Variants in DYNC2H1 observed in about 807,000 individuals in gnomAD.
The protein encoded by DYNC2H1 is cytoplasmic dynein 2 heavy chain 1.
DYNC2H1 carries 410 observed loss-of-function variants against 570.0 expected under a neutral mutation model. The ratio of observed to expected loss-of-function variants is 0.72; its 90% CI spans 0.66 to 0.78. The LOEUF is 0.78. Among genes scored for constraint, DYNC2H1 ranks in the 30% least tolerant of loss-of-function variants. The pLI is 0.00. For synonymous variants in DYNC2H1, 1,688 were observed against 1,677.6 expected (o/e 1.01, Z -0.15); for missense variants, 4,865 against 5,046.4 (o/e 0.96, Z 1.09).
rs1013325223 is a variant in DYNC2H1 at position 103,151,788 on chromosome 11, A to C, written c.2947-348A>C. ...TAGCTCCTTTAGAAACCTCTTTAGC[A>C]TTTTCTTGTGAATGGACCATTTATA... On this transcript the variant is annotated intron_variant, in intron 20 of 88. Coordinates refer to ENST00000375735, the MANE Select transcript of DYNC2H1 (RefSeq NM_001377.3). This position sits in a 1 kb window ranked among gnomAD's most constrained non-coding sequence, Gnocchi z 4.6. 2.0e-5 allele frequency among the ~76,000 whole-genome samples: 3 copies of C among 152,074 alleles called. No homozygotes were observed. The highest frequency in any genetic ancestry group is 6.6e-5 in the Admixed American group (1 of 15,246).
Position 103,280,373 on chromosome 11 carries a change from A to C in DYNC2H1, c.10721A>C (p.His3574Pro). The change falls in exon 71 of 89, where the codon CAT becomes CCT. Residue 3574 changes from histidine (H) to proline (P), a missense_variant. Transcript: ENST00000375735. This position sits in a 1 kb window ranked among gnomAD's most constrained non-coding sequence, Gnocchi z 4.7. ...FKADQLMFAL[H>P]FVRGMHPELF... ...GCTGATCAGTTGATGTTCGCTTTGC[A>C]TTTTGTTCGAGGCATGCATCCTGAA... The C allele has an allele frequency of 6.4e-7, 1 of 1,555,928 alleles. No homozygotes were observed. The highest frequency in any genetic ancestry group is 1.4e-5 in the African/African-American group (1 of 73,616).
chr11:103,236,610 T>C, intron 63 of DYNC2H1, 71 bp downstream of exon 63: 1 of 834,220 alleles, frequency 1.2e-6, no homozygotes, highest in South Asian at 1.8e-5. Flanking sequence ...ATTGTGTTCT[T>C]CGTATTCTTA....
chr11:103,349,694 A>G (rs907017005), intron 82 of DYNC2H1, among the ~76,000 whole-genome samples: 1 of 152,128 alleles, frequency 6.6e-6, no homozygotes, highest in Non-Finnish European at 1.5e-5. Flanking sequence ...TTCATTCTCA[A>G]TTTGCTTATG....
intron 47 of DYNC2H1, among the ~76,000 whole-genome samples, chr11:103,196,635 C>A (rs1862517318): frequency 6.6e-6 from 1 of 151,954 alleles, no homozygotes; most frequent in African/African-American, 2.4e-5. Context: ...AATTAAAAGA[C>A]TAGAAGGCTG....
In DYNC2H1 at chr11:103,305,238, G is replaced by A. The variant is rs181470888; in HGVS notation, c.11382+518G>A. Reference sequence around the variant, plus strand: ...TGCTTATTTAAGAAAGATGAGTAGGGTCTTGGGTAGTTAAAGATGATTCTG... The same window carrying A: ...TGCTTATTTAAGAAAGATGAGTAGGATCTTGGGTAGTTAAAGATGATTCTG... On this transcript the variant is annotated intron_variant, in intron 77 of 88. Transcript: ENST00000375735. This position sits in a 1 kb window ranked among gnomAD's most constrained non-coding sequence, Gnocchi z 4.3. Among the ~76,000 whole-genome samples the A allele has an allele frequency of 1.5e-4, 23 of 152,270 alleles. No individual in the cohort carries two copies. The East Asian group carries it at 4.0e-3, about 27-fold the overall frequency.
chr11:103,470,986 G>A (rs1055766185), intron 88 of DYNC2H1, among the ~76,000 whole-genome samples: 13 of 151,982 alleles, frequency 8.6e-5, no homozygotes, highest in African/African-American at 2.7e-4. Context: ...CTGAGGAATC[G>A]CCACACTGAC....
At chr11:103,371,687 T>C (rs979060373) in intron 83 of DYNC2H1, among the ~76,000 whole-genome samples, 4 of 152,164 alleles carry the variant, frequency 2.6e-5, no homozygotes, top group Admixed American at 6.5e-5. Flanking sequence ...TACCCTAGAA[T>C]AGTATATGTA....
chr11:103,304,802 G>A, intron 77 of DYNC2H1, 82 bp downstream of exon 77: 1 of 1,306,400 alleles, frequency 7.7e-7, no homozygotes, highest in Non-Finnish European at 1.0e-6. Context: ...AAAATGTCAT[G>A]CATTATTTAT....
rs541677425 is a variant in DYNC2H1 at position 103,264,501 on chromosome 11, T to C, written c.10695+4524T>C. Among the ~76,000 whole-genome samples, 15 of 152,272 alleles carry C rather than the reference T, an allele frequency of 9.9e-5. No individual in the cohort carries two copies. The highest frequency in any genetic ancestry group is 6.8e-3 in the Middle Eastern group (2 of 294). ...ATCCAGCAGCACATCAAAAAGCTTATCCACCACAATCAAGTTGGCTTCATC... is the reference window on the plus strand; with the variant it reads ...ATCCAGCAGCACATCAAAAAGCTTACCCACCACAATCAAGTTGGCTTCATC... On this transcript the variant is annotated intron_variant, in intron 70 of 88. Transcript: ENST00000375735. This position sits in a 1 kb window ranked among gnomAD's most constrained non-coding sequence, Gnocchi z 4.8.
At chr11:103,426,273 T>C (rs1565589592) in intron 84 of DYNC2H1, among the ~76,000 whole-genome samples, 3 of 152,204 alleles carry the variant, frequency 2.0e-5, no homozygotes, top group Non-Finnish European at 4.4e-5. Flanking sequence ...GGTAAAACTC[T>C]GTTCGAGGCT....
intron 65 of DYNC2H1, among the ~76,000 whole-genome samples, chr11:103,251,344 T>C (rs1864823527): frequency 6.6e-6 from 1 of 152,166 alleles, no homozygotes; most frequent in African/African-American, 2.4e-5. Flanking sequence ...CTTTTTGGAC[T>C]AGTATTTACA....
In DYNC2H1 at chr11:103,234,180, C is replaced by T. The variant is rs752089552; in HGVS notation, c.9567+20C>T. 2.5e-5 allele frequency: 39 copies of T among 1,573,696 alleles called. No homozygotes were observed. The African/African-American group carries it at 5.3e-4, about 21-fold the overall frequency. Reference sequence around the variant, plus strand: ...GCACAGGTTTGTTTGAGAGAGGGGCCATGAGGAGTCTACCTTTAAACTGCA... The same window carrying T: ...GCACAGGTTTGTTTGAGAGAGGGGCTATGAGGAGTCTACCTTTAAACTGCA... On this transcript the variant is annotated intron_variant, in intron 61 of 88. Coordinates refer to ENST00000375735, the MANE Select transcript of DYNC2H1 (RefSeq NM_001377.3).
rs907430277 is a variant in DYNC2H1, at chr11:103,189,579, C to A, written c.7293-93C>A. 1 of 1,259,180 alleles carries A rather than the reference C, an allele frequency of 7.9e-7. No individual in the cohort carries two copies. Among genetic ancestry groups the A allele is most frequent in the Non-Finnish European group, 1.1e-6 (1 of 896,630 alleles). The allele number at this position is 1,259,180 out of a possible 1,614,324, so 78.0% of individuals were successfully genotyped here. A position where few individuals can be genotyped will look rare whatever the true frequency, so the allele number is the denominator to read the frequency against. On this transcript the variant is annotated intron_variant, in intron 44 of 88. Coordinates refer to ENST00000375735, the MANE Select transcript of DYNC2H1 (RefSeq NM_001377.3). The surrounding 1 kb of genome is among the most constrained non-coding windows in gnomAD (Gnocchi z 4.3). Reference sequence around the variant, plus strand: ...GAGATATGTAGGTCTTAGAGCAGCACAGTTTCAAAACCACTGTTGTAACTT... The same window carrying A: ...GAGATATGTAGGTCTTAGAGCAGCAAAGTTTCAAAACCACTGTTGTAACTT...
chr11:103,389,604 G>A (rs1441776131), intron 83 of DYNC2H1, among the ~76,000 whole-genome samples: 2 of 151,956 alleles, frequency 1.3e-5, no homozygotes, highest in African/African-American at 2.4e-5. Context: ...GTCAATTTTG[G>A]ATCTTTCCTG....
intron 84 of DYNC2H1, among the ~76,000 whole-genome samples, chr11:103,411,553 A>T (rs1487294349): frequency 6.6e-6 from 1 of 151,842 alleles, no homozygotes; most frequent in East Asian, 1.9e-4. Flanking sequence ...AAAAAAGGAT[A>T]ATTTAACTTT....
rs1860567939 is a variant in DYNC2H1, at chr11:103,151,953, A to C, written c.2947-183A>C. Among the ~76,000 whole-genome samples the C allele has an allele frequency of 6.6e-6, 1 of 152,108 alleles. No individual in the cohort carries two copies. ...GTATAGTAAAAAATAACCATCAGAA[A>C]GTTTATATCCAGGAATTTTTTTCTG... On this transcript the variant is annotated intron_variant, in intron 20 of 88. Coordinates refer to ENST00000375735, the MANE Select transcript of DYNC2H1 (RefSeq NM_001377.3). The surrounding 1 kb of genome is among the most constrained non-coding windows in gnomAD (Gnocchi z 4.6).
At chr11:103,356,893 T>C (rs549512432) in intron 82 of DYNC2H1, among the ~76,000 whole-genome samples, 6 of 152,132 alleles carry the variant, frequency 3.9e-5, no homozygotes, top group Non-Finnish European at 4.4e-5. Context: ...TAGTTCAATA[T>C]GTTACAAAAG....
intron 54 of DYNC2H1, among the ~76,000 whole-genome samples, chr11:103,213,912 G>A (rs1292146601): frequency 3.3e-5 from 5 of 152,098 alleles, no homozygotes; most frequent in Non-Finnish European, 5.9e-5. Context: ...CTAAACCAAT[G>A]TCCTGGAGCA....
At chr11:103,417,092 A>C (rs1358553426) in intron 84 of DYNC2H1, among the ~76,000 whole-genome samples, 1 of 152,102 alleles carries the variant, frequency 6.6e-6, no homozygotes, top group Admixed American at 6.6e-5. Context: ...ATCTCACACC[A>C]GTTAGAATGA....
Sources: gnomAD v4.1 joint callset for allele counts (sites outside exome capture counted in the v4.1 genomes callset) on GRCh38, gnomAD v4.1.1 for gene constraint, Gnocchi (gnomAD v3.1) non-coding constraint, MANE v1.5 for transcripts, NCBI Gene and HGNC (gene_info 2026-07-23, HGNC 2026-07-21) for gene names.